SDHB: variants seen among roughly 807,000 people sequenced by gnomAD.
The protein encoded by SDHB is succinate dehydrogenase [ubiquinone] iron-sulfur subunit, mitochondrial.
In SDHB, 21 loss-of-function variants were observed where a neutral mutation model predicts 39.7. The ratio of observed to expected loss-of-function variants is 0.53; its 90% CI spans 0.37 to 0.76. SDHB has a LOEUF of 0.76. SDHB is among the 30% of genes least tolerant of loss of function. The pLI, the probability that SDHB is intolerant of heterozygous loss-of-function variation, is 0.00. For missense variants in SDHB, 343 were observed against 350.9 expected, an observed-to-expected ratio of 0.98 and a Z score of 0.18; for synonymous variants, 118 against 117.0, an observed-to-expected ratio of 1.01 and a Z score of -0.06.
chr1:17,045,847 C>T (rs1321901393), intron 1 of SDHB, among the ~76,000 whole-genome samples: 1 of 152,164 alleles, frequency 6.6e-6, no homozygotes, highest in Non-Finnish European at 1.5e-5. Flanking sequence ...GAAACCCGTA[C>T]AGGGTACTTT....
chr1:17,041,193 C>T (rs2078078222), intron 2 of SDHB, among the ~76,000 whole-genome samples: 1 of 152,160 alleles, frequency 6.6e-6, no homozygotes, highest in Non-Finnish European at 1.5e-5. Context: ...TTTAAGTTTG[C>T]TGATTCTTCT....
rs568901564 is a variant in SDHB at position 17,022,871 on chromosome 1, T to C, written c.643-141A>G. On this transcript the variant is annotated intron_variant, in intron 6 of 7. Transcript: ENST00000375499. ...TCATCTCCATACTCTTTAATTCTTGTCCATCTTTCAAGGAAAGGTTCCCAA... is the reference window on the plus strand; with the variant it reads ...TCATCTCCATACTCTTTAATTCTTGCCCATCTTTCAAGGAAAGGTTCCCAA... 6.4e-6 allele frequency: 7 copies of C among 1,087,592 alleles called. No individual in the cohort carries two copies. The South Asian group carries it at 8.1e-5, about 13-fold the overall frequency. 67.4% of individuals were successfully genotyped at this position (1,087,592 alleles called of 1,614,324 possible). A position where few individuals can be genotyped will look rare whatever the true frequency, so the allele number is the denominator to read the frequency against.
chr1:17,027,149 C>T (rs765341192), intron 5 of SDHB, among the ~76,000 whole-genome samples: 19 of 152,036 alleles, frequency 1.2e-4, no homozygotes, highest in Non-Finnish European at 1.9e-4. Flanking sequence ...AAGACTTCTT[C>T]GCAGAGGAGT....
chr1:17,034,883 T>G (rs1178666476), intron 2 of SDHB, among the ~76,000 whole-genome samples: 8 of 152,180 alleles, frequency 5.3e-5, no homozygotes, highest in African/African-American at 1.9e-4. Flanking sequence ...ATTTCCCAAT[T>G]ATTTATTGAA....
intron 3 of SDHB, among the ~76,000 whole-genome samples, chr1:17,030,687 CTT>C (rs879266097): frequency 4.9e-5 from 7 of 144,218 alleles, no homozygotes; most frequent in African/African-American, 5.1e-5. Context: ...TGGTTATCAT[CTT>C]TTTTTTTTTT....
At chr1:17,030,943 C>A (rs1472473872) in intron 3 of SDHB, among the ~76,000 whole-genome samples, 1 of 144,174 alleles carries the variant, frequency 6.9e-6, no homozygotes, top group African/African-American at 2.6e-5. Context: ...CCTCTGAATG[C>A]CTGGCCTCAC....
At chr1:17,038,699 C>T (rs1468818273) in intron 2 of SDHB, among the ~76,000 whole-genome samples, 1 of 152,208 alleles carries the variant, frequency 6.6e-6, no homozygotes, top group African/African-American at 2.4e-5. Context: ...GTGATTTTCA[C>T]AGTCTTCATC....
chr1:17,045,035 C>T (rs1419727329), intron 1 of SDHB, 147 bp from the exon 2 acceptor site: 4 of 728,480 alleles, frequency 5.5e-6, no homozygotes, highest in Non-Finnish European at 9.3e-6. Flanking sequence ...CATTCAATAT[C>T]CAACAAGTAT....
At chr1:17,022,116 C>A (rs151127707) in intron 7 of SDHB, among the ~76,000 whole-genome samples, 1 of 152,226 alleles carries the variant, frequency 6.6e-6, no homozygotes, top group African/African-American at 2.4e-5. Flanking sequence ...CCAGAGTGAG[C>A]CAAAAGCAGC....
intron 1 of SDHB, among the ~76,000 whole-genome samples, chr1:17,053,713 C>T (rs1465187843): frequency 6.7e-6 from 1 of 148,214 alleles, no homozygotes; most frequent in Non-Finnish European, 1.5e-5. Context: ...CCCCCCCCCG[C>T]ACCCTTAGCT....
In SDHB at chr1:17,023,218, C is replaced by T. The variant is rs138213255; in HGVS notation, c.643-488G>A. 835 of 272,690 alleles carry T rather than the reference C, an allele frequency of 3.1e-3. 5 individuals carry two copies. The highest frequency in any genetic ancestry group is 4.6e-3 in the Non-Finnish European group (639 of 138,608). 16.9% of individuals were successfully genotyped at this position (272,690 alleles called of 1,614,324 possible). A position where few individuals can be genotyped will look rare whatever the true frequency, so the allele number is the denominator to read the frequency against. ...CTCTCAGCAGCCTGAGATCAGCAGG[C>T]TGAAACGAGTTAATCACATGACCAT... is the stretch of plus-strand genomic sequence containing the variant. On this transcript the variant is annotated intron_variant, in intron 6 of 7. Coordinates refer to ENST00000375499, the MANE Select transcript of SDHB (RefSeq NM_003000.3).
At chr1:17,026,508 G>A (rs1003177136) in intron 5 of SDHB, among the ~76,000 whole-genome samples, 1 of 152,094 alleles carries the variant, frequency 6.6e-6, no homozygotes, top group Non-Finnish European at 1.5e-5. Context: ...GGGATTATAG[G>A]TGTGAGCCAC....
intron 1 of SDHB, chr1:17,052,304 G>C (rs1160747500): frequency 6.6e-6 from 1 of 152,196 alleles, no homozygotes; most frequent in East Asian, 1.9e-4. Context: ...AAAGAATTCA[G>C]AACCTGAACC....
At chr1:17,031,633 A>G (rs1249654596) in intron 3 of SDHB, among the ~76,000 whole-genome samples, 2 of 152,264 alleles carry the variant, frequency 1.3e-5, no homozygotes, top group Non-Finnish European at 2.9e-5. Context: ...AAATAAGATT[A>G]GCTGAATCAA....
At chr1:17,020,397 G>C (rs1214928866) in intron 7 of SDHB, among the ~76,000 whole-genome samples, 1 of 152,194 alleles carries the variant, frequency 6.6e-6, no homozygotes, top group Non-Finnish European at 1.5e-5. Context: ...AAACTTGATG[G>C]TTTTCAAGTC....
At chr1:17,037,898 A>AG (rs1385183908) in intron 2 of SDHB, among the ~76,000 whole-genome samples, 1 of 152,036 alleles carries the variant, frequency 6.6e-6, no homozygotes, top group Non-Finnish European at 1.5e-5. Context: ...GCACTTTGGG[A>AG]GGCCGAGGTG....
At chr1:17,043,147 G>A (rs919400590) in intron 2 of SDHB, among the ~76,000 whole-genome samples, 3 of 151,904 alleles carry the variant, frequency 2.0e-5, no homozygotes, top group Non-Finnish European at 4.4e-5. Context: ...TTTTAGTAGA[G>A]ATGGGGTTTC....
chr1:17,042,259 T>A (rs564028831), intron 2 of SDHB, among the ~76,000 whole-genome samples: 1 of 152,256 alleles, frequency 6.6e-6, no homozygotes, highest in Non-Finnish European at 1.5e-5. Context: ...AGCAAAATCA[T>A]GTAAGAGTAA....
rs148738139 is a variant in SDHB, at chr1:17,053,996, G to A, written c.24C>T (p.Ser8=). 8,934 of 1,612,708 alleles carry A rather than the reference G, an allele frequency of 5.5e-3. 31 individuals carry two copies. Among genetic ancestry groups the A allele is most frequent in the Non-Finnish European group, 6.5e-3 (7,623 of 1,179,536 alleles). Reference sequence around the variant, plus strand: ...TTGTGGCCGGCAACCGGCGCCTCAAGGAGAGGGCGACCACCGCCGCCATCT... The same window carrying A: ...TTGTGGCCGGCAACCGGCGCCTCAAAGAGAGGGCGACCACCGCCGCCATCT... MAAVVAL[S]LRRRLPATTL... Residue 8 remains serine (S), a synonymous_variant, in exon 1 of 8, where the codon TCC becomes TCT. Coordinates refer to ENST00000375499, the MANE Select transcript of SDHB (RefSeq NM_003000.3).
Sources: gnomAD v4.1 joint callset for allele counts (sites outside exome capture counted in the v4.1 genomes callset) on GRCh38, gnomAD v4.1.1 for gene constraint, MANE v1.5 for transcripts, NCBI Gene and HGNC (gene_info 2026-07-23, HGNC 2026-07-21) for gene names.